Variants in BICD1 observed in about 807,000 individuals in gnomAD.
The protein encoded by BICD1 is protein bicaudal D homolog 1.
BICD1 carries 35 observed loss-of-function variants against 92.5 expected under a neutral mutation model. The ratio of observed to expected loss-of-function variants is 0.38; its 90% CI spans 0.29 to 0.50. BICD1 has a LOEUF of 0.50. Ranked by LOEUF, BICD1 falls within the 20% of genes least tolerant of loss-of-function variation. The pLI, the probability that BICD1 is intolerant of heterozygous loss-of-function variation, is 0.93. For missense variants in BICD1, 950 were observed against 1,189.8 expected (o/e 0.80, Z 2.97); for synonymous variants, 429 against 465.1 (o/e 0.92, Z 1.00).
chr12:32,140,948 C>T (rs1276670943), intron 1 of BICD1, among the ~76,000 whole-genome samples: 2 of 152,096 alleles, frequency 1.3e-5, no homozygotes, highest in East Asian at 1.9e-4. Flanking sequence ...TGAAATCTTC[C>T]GTAGAACGTA....
At chr12:32,156,063 A>G (rs1257799847) in intron 1 of BICD1, among the ~76,000 whole-genome samples, 4 of 152,212 alleles carry the variant, frequency 2.6e-5, no homozygotes, top group Non-Finnish European at 5.9e-5. Context: ...CCATTGAGAG[A>G]TAAGTATTCT....
intron 8 of BICD1, chr12:32,339,954 C>T (rs2136284504): frequency 1.2e-6 from 1 of 811,048 alleles, no homozygotes; most frequent in Non-Finnish European, 1.5e-6. Flanking sequence ...TCTGTAGTGG[C>T]TGCTGCTGTT....
intron 7 of BICD1, 83 bp from the exon 8 acceptor site, chr12:32,338,703 G>A: frequency 9.2e-7 from 1 of 1,090,564 alleles, no homozygotes; most frequent in Non-Finnish European, 1.3e-6. Flanking sequence ...TATAAATAAT[G>A]TTGTCACTGG....
At chr12:32,284,619 C>T (rs1947514089) in intron 2 of BICD1, among the ~76,000 whole-genome samples, 1 of 152,194 alleles carries the variant, frequency 6.6e-6, no homozygotes, top group Admixed American at 6.5e-5. Flanking sequence ...ACCCTCGCAA[C>T]TCTCAACAGA....
intron 8 of BICD1, among the ~76,000 whole-genome samples, chr12:32,343,664 C>T (rs1938465359): frequency 6.6e-6 from 1 of 152,184 alleles, no homozygotes; most frequent in Non-Finnish European, 1.5e-5. Flanking sequence ...GTTCCTCCAT[C>T]CTTCCATCCC....
intron 1 of BICD1, among the ~76,000 whole-genome samples, chr12:32,182,278 C>T (rs137994686): frequency 2.9e-4 from 24 of 81,426 alleles, no homozygotes; most frequent in South Asian, 4.6e-4. Flanking sequence ...TTCTTTCTTT[C>T]TTTTTTTTTT....
intron 8 of BICD1, among the ~76,000 whole-genome samples, chr12:32,342,241 T>C (rs1476369863): frequency 1.7e-4 from 25 of 144,576 alleles, no homozygotes; most frequent in African/African-American, 5.5e-4. Flanking sequence ...TATGTATAGT[T>C]TTGGGGGTTT....
At chr12:32,225,243 G>A (rs1945644456) in intron 2 of BICD1, among the ~76,000 whole-genome samples, 1 of 152,162 alleles carries the variant, frequency 6.6e-6, no homozygotes, top group South Asian at 2.1e-4. Flanking sequence ...GGGTCCTTCA[G>A]CATGATGCCT....
rs577958125 is a variant in BICD1 at position 32,369,499 on chromosome 12, A to T, written c.2840+1754A>T. Reference sequence around the variant, plus strand: ...GAGCCAGGGGACCTGGGGTGCCACAAGTGTGGAAACACAGTGGCAGCTGAA... The same window carrying T: ...GAGCCAGGGGACCTGGGGTGCCACATGTGTGGAAACACAGTGGCAGCTGAA... On this transcript the variant is annotated intron_variant, in intron 9 of 9. Transcript: ENST00000652176. Among the ~76,000 whole-genome samples the T allele has an allele frequency of 1.3e-3, 196 of 152,380 alleles. 1 individual carries two copies. The highest frequency in any genetic ancestry group is 4.6e-3 in the African/African-American group (190 of 41,596).
intron 1 of BICD1, among the ~76,000 whole-genome samples, chr12:32,215,246 T>C (rs982350882): frequency 1.3e-5 from 2 of 152,046 alleles, no homozygotes; most frequent in Non-Finnish European, 2.9e-5. Context: ...AAAAGAACCA[T>C]GTGAAAAGGC....
At chr12:32,333,052 G>A (rs1937948624) in intron 5 of BICD1, 1 of 985,148 alleles carries the variant, frequency 1.0e-6, no homozygotes, top group Non-Finnish European at 1.2e-6. Context: ...AAATGATTTT[G>A]TATTTCTGTT....
intron 1 of BICD1, among the ~76,000 whole-genome samples, chr12:32,169,649 C>A (rs925352163): frequency 1.8e-4 from 27 of 152,304 alleles, no homozygotes; most frequent in Non-Finnish European, 2.6e-4. Flanking sequence ...GCTAACCACA[C>A]TTTGAAAAAT....
At chr12:32,108,766 T>C in intron 1 of BICD1, 1 of 633,486 alleles carries the variant, frequency 1.6e-6, no homozygotes. Context: ...TACCAAAAAA[T>C]AAATGTACTA....
At chr12:32,339,567 A>G (rs899300383) in intron 8 of BICD1, 1 of 985,234 alleles carries the variant, frequency 1.0e-6, no homozygotes, top group Non-Finnish European at 1.2e-6. Flanking sequence ...TAGCTTCACT[A>G]TTTTGCATTT....
chr12:32,118,496 G>A (rs1031999261), intron 1 of BICD1, among the ~76,000 whole-genome samples: 1 of 152,096 alleles, frequency 6.6e-6, no homozygotes, highest in Non-Finnish European at 1.5e-5. Context: ...AAATTGCATC[G>A]GTACTAAACG....
intron 1 of BICD1, among the ~76,000 whole-genome samples, chr12:32,192,465 G>A (rs139744734): frequency 0.16 from 22,340 of 137,576 alleles, 1,930 homozygotes; most frequent in Non-Finnish European, 0.21. Context: ...TAGATAGATA[G>A]ATAGATAGAT....
chr12:32,265,173 T>A (rs564434996), intron 2 of BICD1, among the ~76,000 whole-genome samples: 1 of 151,936 alleles, frequency 6.6e-6, no homozygotes, highest in Non-Finnish European at 1.5e-5. Flanking sequence ...GTGTTTCTCA[T>A]GCTCATCCCA....
chr12:32,254,868 G>A (rs1213542702), intron 2 of BICD1, among the ~76,000 whole-genome samples: 4 of 152,126 alleles, frequency 2.6e-5, no homozygotes, highest in Non-Finnish European at 4.4e-5. Flanking sequence ...CCCTGAGCTC[G>A]AGAGGCATTT....
chr12:32,160,473 A>G (rs1187436652), intron 1 of BICD1, among the ~76,000 whole-genome samples: 1 of 152,010 alleles, frequency 6.6e-6, no homozygotes, highest in Non-Finnish European at 1.5e-5. Context: ...GGCAATGTTC[A>G]TTTATCTTGA....
Sources: allele counts gnomAD v4.1 joint callset (sites outside exome capture counted in the v4.1 genomes callset), GRCh38; gene constraint gnomAD v4.1.1; transcripts MANE v1.5; gene names NCBI Gene and HGNC (gene_info 2026-07-23, HGNC 2026-07-21).